ZFYVE1: variants seen among roughly 807,000 people sequenced by gnomAD.
ZFYVE1 encodes zinc finger FYVE domain-containing protein 1.
Under a neutral mutation model 74.4 loss-of-function variants are expected in ZFYVE1, and 30 were observed. The observed-to-expected ratio is 0.40, with a 90% confidence interval of 0.30 to 0.55. The LOEUF (loss-of-function observed/expected upper bound fraction) is 0.55, where lower values mean the gene tolerates loss of function less well. Among genes scored for constraint, ZFYVE1 ranks in the 20% least tolerant of loss-of-function variants. ZFYVE1 has a pLI of 0.42. For missense variants in ZFYVE1, 703 were observed against 1,011.6 expected (o/e 0.69, Z 4.14); for synonymous variants, 335 against 385.1 (o/e 0.87, Z 1.52).
chr14:73,024,540 A>G lies in ZFYVE1; in HGVS notation c.-32T>C. 1 of 1,548,490 alleles carries G rather than the reference A, an allele frequency of 6.5e-7. No homozygotes were observed. Among genetic ancestry groups the G allele is most frequent in the Non-Finnish European group, 8.7e-7 (1 of 1,148,002 alleles). On this transcript the variant is annotated 5_prime_UTR_variant, in exon 2 of 12. Transcript: ENST00000556143. ...GCTGGTAAGGAAACACACCCACCATATAATAGTCACTGAGCTTGCCCCGGG... is the reference window on the plus strand; with the variant it reads ...GCTGGTAAGGAAACACACCCACCATGTAATAGTCACTGAGCTTGCCCCGGG...
intron 11 of ZFYVE1, among the ~76,000 whole-genome samples, chr14:72,971,863 T>C (rs974066639): frequency 6.6e-6 from 1 of 152,196 alleles, no homozygotes; most frequent in African/African-American, 2.4e-5. Flanking sequence ...GTCTGGGCTC[T>C]GGAGTCAGAC....
intron 2 of ZFYVE1, among the ~76,000 whole-genome samples, chr14:73,007,522 C>T (rs962576130): frequency 6.6e-6 from 1 of 152,028 alleles, no homozygotes; most frequent in African/African-American, 2.4e-5. Context: ...GGACTACTGG[C>T]GTGCACCACC....
chr14:72,981,719 C>G, intron 5 of ZFYVE1, 70 bp downstream of exon 5: 1 of 1,442,252 alleles, frequency 6.9e-7, no homozygotes, highest in Non-Finnish European at 9.8e-7. Context: ...ACACCAAAGT[C>G]TAGGAAGCAC....
chr14:72,973,656 C>A (rs1365145239), intron 11 of ZFYVE1, among the ~76,000 whole-genome samples: 2 of 152,186 alleles, frequency 1.3e-5, no homozygotes, highest in Non-Finnish European at 2.9e-5. Flanking sequence ...CTACACACAG[C>A]CTCCTAACTG....
At chr14:73,014,668 T>C (rs1343096947) in intron 2 of ZFYVE1, among the ~76,000 whole-genome samples, 1 of 152,150 alleles carries the variant, frequency 6.6e-6, no homozygotes, top group Non-Finnish European at 1.5e-5. Context: ...ACTCTGGCCA[T>C]TGGAAGAGAA....
rs922825078 is a variant in ZFYVE1 at position 73,024,173 on chromosome 14, G to C, written c.336C>G (p.Asn112Lys). ...ECQKRTHSGG[N>K]KRRHPVTVYN... ...ACACAGTAACAGGGTGTCTCCTTTT[G>C]TTACCCCCAGAATGAGTCCTCTTCT... The change falls in exon 2 of 12, where the codon AAC becomes AAG. Residue 112 changes from asparagine (N) to lysine (K), a missense_variant. By Grantham distance (94) the Asn-to-Lys change is moderately conservative (BLOSUM62 0). Transcript: ENST00000556143. The C allele has an allele frequency of 1.2e-6, 2 of 1,614,138 alleles. No homozygotes were observed. Among genetic ancestry groups the C allele is most frequent in the Non-Finnish European group, 8.5e-7 (1 of 1,180,034 alleles).
chr14:72,971,787 T>C (rs1389943228), intron 11 of ZFYVE1, among the ~76,000 whole-genome samples: 1 of 152,164 alleles, frequency 6.6e-6, no homozygotes, highest in Non-Finnish European at 1.5e-5. Context: ...TTTATGTATC[T>C]ATGAAGCCCT....
intron 2 of ZFYVE1, among the ~76,000 whole-genome samples, chr14:73,008,586 A>T (rs578166772): frequency 2.0e-5 from 3 of 152,200 alleles, no homozygotes; most frequent in Non-Finnish European, 4.4e-5. Context: ...TTTATATCTG[A>T]ATAAAAAGCT....
chr14:73,017,874 ACTT>A (rs1160527471), intron 2 of ZFYVE1, among the ~76,000 whole-genome samples: 1 of 152,102 alleles, frequency 6.6e-6, no homozygotes, highest in Non-Finnish European at 1.5e-5. Flanking sequence ...AGGTCCTGTG[ACTT>A]CTTAGCATAA....
intron 2 of ZFYVE1, 103 bp downstream of exon 2, chr14:73,023,923 T>C: frequency 6.7e-7 from 1 of 1,483,270 alleles, no homozygotes; most frequent in Non-Finnish European, 9.0e-7. Flanking sequence ...TGCCTTTTAA[T>C]GATTAAAATG....
chr14:73,017,575 G>A (rs1199958131), intron 2 of ZFYVE1, among the ~76,000 whole-genome samples: 4 of 152,132 alleles, frequency 2.6e-5, no homozygotes, highest in South Asian at 2.1e-4. Flanking sequence ...TCTTAAATAA[G>A]CAAGTGTTAT....
intron 2 of ZFYVE1, among the ~76,000 whole-genome samples, chr14:73,007,602 T>C (rs1363424896): frequency 1.3e-5 from 2 of 152,078 alleles, no homozygotes; most frequent in Non-Finnish European, 1.5e-5. Flanking sequence ...CTTGAACTCC[T>C]GGCCTCAGGC....
intron 2 of ZFYVE1, among the ~76,000 whole-genome samples, chr14:73,018,785 T>C (rs1894253537): frequency 6.6e-6 from 1 of 151,622 alleles, no homozygotes; most frequent in East Asian, 1.9e-4. Context: ...CTACTAAAAA[T>C]ACAAAAAAAC....
intron 2 of ZFYVE1, among the ~76,000 whole-genome samples, chr14:73,008,511 A>C (rs1160184749): frequency 6.6e-6 from 1 of 152,200 alleles, no homozygotes; most frequent in African/African-American, 2.4e-5. Flanking sequence ...TTTTTAAAAA[A>C]AGTCATTTTT....
chr14:72,978,035 G>A lies in ZFYVE1; in HGVS notation c.1527C>T (p.Ile509=), dbSNP rs747937486. Residue 509 remains isoleucine, a synonymous_variant, in exon 8 of 12, where the codon ATC becomes ATT. Coordinates refer to ENST00000556143, the MANE Select transcript of ZFYVE1 (RefSeq NM_021260.4). ...AGACCACGCCACAGTTAGGACATTC[G>A]ATCACATACCTACAAGGAAAGCAAA... ...LAKYAWSGYV[I]ECPNCGVVYR... 3.0e-5 allele frequency: 48 copies of A among 1,614,016 alleles called. No individual in the cohort carries two copies. The highest frequency in any genetic ancestry group is 8.3e-5 in the Admixed American group (5 of 59,984).
intron 2 of ZFYVE1, among the ~76,000 whole-genome samples, chr14:73,002,994 G>A (rs552360821): frequency 1.9e-4 from 29 of 150,480 alleles, no homozygotes; most frequent in African/African-American, 2.7e-4. Flanking sequence ...CGCCCGCCTC[G>A]GCCTCCCAAA....
chr14:73,017,137 A>G (rs548348150), intron 2 of ZFYVE1, among the ~76,000 whole-genome samples: 4 of 152,144 alleles, frequency 2.6e-5, no homozygotes, highest in African/African-American at 4.8e-5. Context: ...AAAAAAAAAG[A>G]TGAAGGAAAA....
intron 11 of ZFYVE1, among the ~76,000 whole-genome samples, chr14:72,971,955 C>A (rs1893044271): frequency 6.6e-6 from 1 of 152,164 alleles, no homozygotes; most frequent in Non-Finnish European, 1.5e-5. Flanking sequence ...GGCATGGTGG[C>A]TCACACCTAT....
intron 3 of ZFYVE1, among the ~76,000 whole-genome samples, chr14:72,993,957 G>A (rs1236667094): frequency 6.7e-6 from 1 of 150,022 alleles, no homozygotes; most frequent in Non-Finnish European, 1.5e-5. Flanking sequence ...GGAGGTTGCA[G>A]TGAGCCAAGA....
Sources: gnomAD v4.1 joint callset for allele counts (sites outside exome capture counted in the v4.1 genomes callset) on GRCh38, gnomAD v4.1.1 for gene constraint, MANE v1.5 for transcripts, NCBI Gene and HGNC (gene_info 2026-07-23, HGNC 2026-07-21) for gene names.